The following LHFPL3 variants were observed in gnomAD, a reference collection of about 807,000 sequenced individuals.
LHFPL3 encodes the protein LHFPL tetraspan subfamily member 3 protein.
LHFPL3 carries 5 observed loss-of-function variants against 19.3 expected under a neutral mutation model. The observed-to-expected ratio is 0.26, with a 90% CI of 0.14 to 0.54. The LOEUF (loss-of-function observed/expected upper bound fraction) is 0.54. Among genes scored for constraint, LHFPL3 ranks in the 20% least tolerant of loss-of-function variants. The probability of loss-of-function intolerance (pLI) is 0.94; values close to 1 mark genes in which losing one functional copy is unlikely to be tolerated. For synonymous variants in LHFPL3, 133 were observed against 126.2 expected, an observed-to-expected ratio of 1.05 and a Z score of -0.36; for missense variants, 249 against 307.4, an observed-to-expected ratio of 0.81 and a Z score of 1.42.
At chr7:104,856,026 T>A (rs10267013) in intron 2 of LHFPL3, among the ~76,000 whole-genome samples, 96,046 of 152,014 alleles carry the variant, frequency 0.63, 32,473 homozygotes, top group Non-Finnish European at 0.77. Flanking sequence ...GTTATTCTTT[T>A]ACCCATGTGA....
In LHFPL3 at chr7:104,420,213, C is replaced by T. The variant is rs190626311; in HGVS notation, c.445+90989C>T. Reference sequence around the variant, plus strand: ...CCAGGCCTTCTGACCACTTTTGCCACACAGAAGGGAGAGAACCAGAGGGCC... The same window carrying T: ...CCAGGCCTTCTGACCACTTTTGCCATACAGAAGGGAGAGAACCAGAGGGCC... On this transcript the variant is annotated intron_variant, in intron 1 of 2. Transcript: ENST00000424859. Among the ~76,000 whole-genome samples, 15 of 152,304 alleles carry T rather than the reference C, an allele frequency of 9.8e-5. No individual in the cohort carries two copies. The East Asian group carries it at 2.5e-3, about 25-fold the overall frequency.
At chr7:104,408,864 C>CTTTT (rs561975535) in intron 1 of LHFPL3, among the ~76,000 whole-genome samples, 10 of 105,428 alleles carry the variant, frequency 9.5e-5, no homozygotes, top group South Asian at 6.4e-4. Context: ...AATTTTCTTT[C>CTTTT]TTTTTTTTTT....
At chr7:104,693,415 C>G (rs892048028) in intron 1 of LHFPL3, among the ~76,000 whole-genome samples, 1 of 152,112 alleles carries the variant, frequency 6.6e-6, no homozygotes, top group Non-Finnish European at 1.5e-5. Context: ...GTGTTCCCAC[C>G]CAAATCTCAT....
intron 2 of LHFPL3, among the ~76,000 whole-genome samples, chr7:104,788,297 A>G (rs550539342): frequency 7.2e-5 from 11 of 152,270 alleles, no homozygotes; most frequent in Non-Finnish European, 1.5e-4. Context: ...GGGATCTGAA[A>G]TGGCTCTTCA....
chr7:104,332,592 T>TA (rs1472280961), intron 1 of LHFPL3, among the ~76,000 whole-genome samples: 2 of 152,178 alleles, frequency 1.3e-5, no homozygotes, highest in African/African-American at 4.8e-5. Flanking sequence ...TATTACAATA[T>TA]AAAAAATTAT....
intron 1 of LHFPL3, among the ~76,000 whole-genome samples, chr7:104,685,487 AC>A (rs1792787732): frequency 6.6e-6 from 1 of 152,240 alleles, no homozygotes; most frequent in African/African-American, 2.4e-5. Context: ...CAATAACATG[AC>A]CCAAGCCCAG....
chr7:104,836,241 G>T (rs1337294490), intron 2 of LHFPL3, among the ~76,000 whole-genome samples: 2 of 152,168 alleles, frequency 1.3e-5, no homozygotes, highest in African/African-American at 4.8e-5. Context: ...GAGCTGGAGA[G>T]GTAGACAAGA....
At chr7:104,732,701 G>A (rs556947621) in intron 1 of LHFPL3, among the ~76,000 whole-genome samples, 64 of 152,158 alleles carry the variant, frequency 4.2e-4, no homozygotes, top group African/African-American at 1.4e-3. Context: ...ATTTTTTGAA[G>A]GGTTTTTTAT....
intron 1 of LHFPL3, among the ~76,000 whole-genome samples, chr7:104,393,067 A>G (rs1305335820): frequency 6.6e-6 from 1 of 152,360 alleles, no homozygotes; most frequent in African/African-American, 2.4e-5. Context: ...ATATGGCAAG[A>G]TGGTCAGCAT....
At chr7:104,544,635 TAGAA>T (rs1480234969) in intron 1 of LHFPL3, among the ~76,000 whole-genome samples, 1 of 152,168 alleles carries the variant, frequency 6.6e-6, no homozygotes, top group Non-Finnish European at 1.5e-5. Context: ...TTCCCTAAGA[TAGAA>T]AGAGTCCATC....
chr7:104,613,130 T>C (rs183597393), intron 1 of LHFPL3, among the ~76,000 whole-genome samples: 1 of 152,338 alleles, frequency 6.6e-6, no homozygotes, highest in East Asian at 1.9e-4. Context: ...GTTCATACCT[T>C]TTTTCAGAAA....
At chr7:104,775,223 C>A (rs916037533) in intron 2 of LHFPL3, among the ~76,000 whole-genome samples, 2 of 152,156 alleles carry the variant, frequency 1.3e-5, no homozygotes, top group African/African-American at 4.8e-5. Context: ...GAAACCCCGT[C>A]TCTACTAAAA....
chr7:104,774,290 A>T (rs946265254), intron 2 of LHFPL3, among the ~76,000 whole-genome samples: 3 of 152,232 alleles, frequency 2.0e-5, no homozygotes, highest in African/African-American at 7.2e-5. Flanking sequence ...AAATTTGTCT[A>T]ACACTCGCTC....
chr7:104,832,224 G>A (rs768180247), intron 2 of LHFPL3, among the ~76,000 whole-genome samples: 21 of 151,958 alleles, frequency 1.4e-4, no homozygotes, highest in Non-Finnish European at 2.9e-4. Flanking sequence ...TCCCTTTATG[G>A]TGGAAAAATC....
intron 2 of LHFPL3, among the ~76,000 whole-genome samples, chr7:104,812,803 C>CAAAAAAAAAAA (rs59809377): frequency 2.9e-4 from 9 of 31,338 alleles, no homozygotes; most frequent in East Asian, 2.5e-3. Context: ...GACTCCATCT[C>CAAAAAAAAAAA]AAAAAAAAAA....
chr7:104,365,802 A>AAAAAAAAG (rs1562876017), intron 1 of LHFPL3, among the ~76,000 whole-genome samples: 4 of 146,108 alleles, frequency 2.7e-5, no homozygotes, highest in African/African-American at 7.5e-5. Flanking sequence ...AAAAAAAAAA[A>AAAAAAAAG]AAAGAAAAGC....
intron 1 of LHFPL3, among the ~76,000 whole-genome samples, chr7:104,390,236 G>A (rs983979095): frequency 1.3e-5 from 2 of 151,614 alleles, no homozygotes. Flanking sequence ...TGTGCACAAC[G>A]TGCAGGTTTC....
intron 1 of LHFPL3, among the ~76,000 whole-genome samples, chr7:104,453,411 A>G (rs1792478793): frequency 6.6e-6 from 1 of 152,128 alleles, no homozygotes; most frequent in African/African-American, 2.4e-5. Context: ...TCAGCCTTCT[A>G]CAGAAAGTGG....
At chr7:104,391,217 T>C (rs147116789) in intron 1 of LHFPL3, among the ~76,000 whole-genome samples, 7,658 of 152,304 alleles carry the variant, frequency 0.05, 283 homozygotes, top group Middle Eastern at 0.088. Flanking sequence ...TTTTGGTTTT[T>C]GTTGCCATTG....
Sources: gnomAD v4.1 joint callset for allele counts (sites outside exome capture counted in the v4.1 genomes callset) on GRCh38, gnomAD v4.1.1 for gene constraint, MANE v1.5 for transcripts, NCBI Gene and HGNC (gene_info 2026-07-23, HGNC 2026-07-21) for gene names.